Variants in MINAR1 observed in about 807,000 individuals in gnomAD.
The protein encoded by MINAR1 is membrane integral NOTCH2 associated receptor 1, also known as major intrinsically disordered Notch2-binding receptor 1.
In MINAR1, 40 loss-of-function variants were observed where a neutral mutation model predicts 65.1. The ratio of observed to expected loss-of-function variants is 0.61; its 90% CI spans 0.48 to 0.80. The LOEUF (loss-of-function observed/expected upper bound fraction) is 0.80. MINAR1 is among the 30% of genes least tolerant of loss of function. The pLI, the probability that MINAR1 is intolerant of heterozygous loss-of-function variation, is 0.00. For synonymous variants in MINAR1, 482 were observed against 449.1 expected (o/e 1.07, Z -0.93); for missense variants, 1,128 against 1,148.0 (o/e 0.98, Z 0.25).
At chr15:79,450,085 A>C (rs1895141476) in intron 1 of MINAR1, among the ~76,000 whole-genome samples, 1 of 152,142 alleles carries the variant, frequency 6.6e-6, no homozygotes, top group Non-Finnish European at 1.5e-5. Flanking sequence ...ATTCTTGCAG[A>C]CATTTATGAA....
At chr15:79,415,702 T>G in the MINAR1 span, 1 of 152,162 alleles carries the variant, frequency 6.6e-6, no homozygotes, top group Non-Finnish European at 1.5e-5. Flanking sequence ...GCTGGCTGGA[T>G]CTTTCCCTCT....
At chr15:79,446,866 A>G (rs1000138018) in intron 1 of MINAR1, among the ~76,000 whole-genome samples, 8 of 152,076 alleles carry the variant, frequency 5.3e-5, no homozygotes, top group Admixed American at 4.6e-4. Flanking sequence ...GCTTGATTTA[A>G]TGGTTTTTGT....
chr15:79,458,586 T>C lies in MINAR1; in HGVS notation c.2298+141T>C, dbSNP rs1595949563. 4.7e-6 allele frequency: 5 copies of C among 1,063,170 alleles called. No homozygotes were observed. In the East Asian group the frequency reaches 1.3e-4, roughly 28 times the overall value. 65.9% of individuals were successfully genotyped at this position (1,063,170 alleles called of 1,614,324 possible). A position where few individuals can be genotyped will look rare whatever the true frequency, so the allele number is the denominator to read the frequency against. On this transcript the variant is annotated intron_variant, in intron 2 of 3. Coordinates refer to ENST00000305428, the MANE Select transcript of MINAR1 (RefSeq NM_015206.3). ...CATCCTTCCAGGTTTGGCAGGGTTT[T>C]CACATTGGAATAGAGAGGACAACAT...
intron 2 of MINAR1, among the ~76,000 whole-genome samples, chr15:79,460,167 C>T (rs1826464829): frequency 6.6e-6 from 1 of 152,180 alleles, no homozygotes; most frequent in Non-Finnish European, 1.5e-5. Context: ...TATTTTGTCC[C>T]CTTCTGCAAC....
Position 79,471,874 on chromosome 15 carries a change from ATATACTG to A in MINAR1, c.*3500_*3506del, listed in dbSNP as rs1165533213. On this transcript the variant is annotated 3_prime_UTR_variant, in exon 4 of 4. Transcript: ENST00000305428. ...TCAATTGTGTGAATACCAAATCAGT[ATATACTG>A]TATACTGTACTATGAAAATTTGTAT... 6 of 152,660 alleles carry A rather than the reference ATATACTG, an allele frequency of 3.9e-5. No individual in the cohort carries two copies. The highest frequency in any genetic ancestry group is 8.8e-5 in the Non-Finnish European group (6 of 68,036). 9.5% of individuals were successfully genotyped at this position (152,660 alleles called of 1,614,324 possible). A position where few individuals can be genotyped will look rare whatever the true frequency, so the allele number is the denominator to read the frequency against.
chr15:79,411,457 G>A, the MINAR1 span: 1 of 702,570 alleles, frequency 1.4e-6, no homozygotes, highest in South Asian at 1.5e-5. Flanking sequence ...TATGCAGCCA[G>A]GCGGAACACC....
chr15:79,456,718 TC>T lies in MINAR1; in HGVS notation c.574del (p.Leu192TrpfsTer12), dbSNP rs764644551. ...VSKEVKNRAA[S>X]LDRLQALAPY... ...CAAAGAGGTGAAAAACCGCGCCGCT[TC>T]CCTGGACAGGTTGCAGGCCCTGGCT... On this transcript the variant is annotated frameshift_variant, in exon 2 of 4. Transcript: ENST00000305428. LOFTEE classifies it high-confidence loss of function. The T allele has an allele frequency of 3.1e-6, 5 of 1,614,158 alleles. 1 individual carries two copies. In the South Asian group the frequency reaches 5.5e-5, roughly 18 times the overall value.
upstream of MINAR1, among the ~76,000 whole-genome samples, chr15:79,429,997 A>C (rs1345479642): frequency 2.0e-5 from 3 of 152,098 alleles, no homozygotes; most frequent in Non-Finnish European, 4.4e-5. Context: ...CCAAGGCTTG[A>C]ATGAGGGCTT....
chr15:79,449,625 T>C (rs898122441), intron 1 of MINAR1, among the ~76,000 whole-genome samples: 1 of 152,236 alleles, frequency 6.6e-6, no homozygotes, highest in Non-Finnish European at 1.5e-5. Context: ...TCACCTGGGA[T>C]GGTTTTTAAA....
At chr15:79,422,991 T>C in the MINAR1 span, 6 of 152,370 alleles carry the variant, frequency 3.9e-5, no homozygotes, top group East Asian at 1.2e-3. Flanking sequence ...CTACAGGCAT[T>C]TCCTTGCAAA....
chr15:79,416,104 A>T, the MINAR1 span: 27 of 152,142 alleles, frequency 1.8e-4, no homozygotes, highest in Non-Finnish European at 3.7e-4. Flanking sequence ...TCAGATATTA[A>T]TTTCATTTTA....
intron 1 of MINAR1, among the ~76,000 whole-genome samples, chr15:79,434,942 C>A (rs1385652692): frequency 6.6e-6 from 1 of 152,202 alleles, no homozygotes; most frequent in African/African-American, 2.4e-5. Flanking sequence ...TTTTCCCCTT[C>A]TCTCTCGAAG....
At chr15:79,448,549 C>T (rs767845139) in intron 1 of MINAR1, among the ~76,000 whole-genome samples, 12 of 152,156 alleles carry the variant, frequency 7.9e-5, no homozygotes, top group African/African-American at 2.2e-4. Context: ...CCAACACCGA[C>T]GCAGGAATTA....
chr15:79,439,643 G>A (rs1894811772), intron 1 of MINAR1, among the ~76,000 whole-genome samples: 1 of 151,818 alleles, frequency 6.6e-6, no homozygotes. Flanking sequence ...ACTGCCCTGT[G>A]CTATGACAGA....
chr15:79,441,254 T>C (rs1465242023), intron 1 of MINAR1, among the ~76,000 whole-genome samples: 1 of 152,126 alleles, frequency 6.6e-6, no homozygotes, highest in Non-Finnish European at 1.5e-5. Flanking sequence ...CCAGAGACAA[T>C]TATTATTAAC....
At chr15:79,455,735 G>A (rs773986336) in intron 1 of MINAR1, among the ~76,000 whole-genome samples, 1 of 152,132 alleles carries the variant, frequency 6.6e-6, no homozygotes, top group East Asian at 1.9e-4. Context: ...CTGATGCGTA[G>A]TAGTCCATTG....
upstream of MINAR1, among the ~76,000 whole-genome samples, chr15:79,428,745 T>A (rs752456764): frequency 9.4e-4 from 143 of 152,138 alleles, 1 homozygote; most frequent in Non-Finnish European, 2.2e-4. Flanking sequence ...GGAGACAAAA[T>A]CTTTATATAA....
chr15:79,415,410 C>T, the MINAR1 span: 3 of 152,168 alleles, frequency 2.0e-5, no homozygotes, highest in Non-Finnish European at 2.9e-5. Context: ...CTCCAAAGCA[C>T]GAAGGAGCTA....
In MINAR1 at chr15:79,464,843, G is replaced by A. The variant is rs930037122; in HGVS notation, c.2553+1522G>A. Among the ~76,000 whole-genome samples the A allele has an allele frequency of 2.0e-5, 3 of 151,574 alleles. No homozygotes were observed. The South Asian group carries it at 6.3e-4, about 32-fold the overall frequency. On this transcript the variant is annotated intron_variant, in intron 3 of 3. Transcript: ENST00000305428. ...AATCCCTCTTCTGTCAACTTCCTGC[G>A]GGCAAGGAGGCTAGACAGGGATTTG...
Sources: gnomAD v4.1 joint callset for allele counts (sites outside exome capture counted in the v4.1 genomes callset) on GRCh38, gnomAD v4.1.1 for gene constraint, MANE v1.5 for transcripts, NCBI Gene and HGNC (gene_info 2026-07-23, HGNC 2026-07-21) for gene names.